The following FLG variants were observed in gnomAD, a reference collection of about 807,000 sequenced individuals.
The protein encoded by FLG is filaggrin.
A neutral mutation model predicts 3.8 loss-of-function variants in FLG; 6 were observed. The observed-to-expected ratio is 1.60, with a 90% CI of 0.87 to 3.15. The LOEUF is 3.15. Among genes scored for constraint, FLG ranks in the 30% most tolerant of loss-of-function variants. The pLI, the probability that FLG is intolerant of heterozygous loss-of-function variation, is 0.00. For synonymous variants in FLG, 2,551 were observed against 1,931.6 expected (o/e 1.32, Z -8.41); for missense variants, 7,595 against 5,050.9 (o/e 1.50, Z -15.27).
Position 152,304,931 on chromosome 1 carries a change from G to C in FLG, c.9955C>G (p.Pro3319Ala), listed in dbSNP as rs202006457. 3.5e-4 allele frequency: 568 copies of C among 1,613,360 alleles called. 11 individuals carry two copies. The South Asian group carries it at 5.6e-3, about 16-fold the overall frequency. ...ACTGCAGATGAAGCTTGTCCACGCG[G>C]AATGCCTGAGTGTCTGGAGCTGTCT... ...SADSSRHSGI[P>A]RGQASSAVRD... The change falls in exon 3 of 3, where the codon CCG (proline) becomes GCG (alanine). Residue 3319 changes from proline (P) to alanine (A), a missense_variant. Pro to Ala is a conservative substitution (Grantham distance 27). Coordinates refer to ENST00000368799, the MANE Select transcript of FLG (RefSeq NM_002016.2).
At position 152,310,570 on chromosome 1, in the gene FLG, C is replaced by G. The variant is rs765382640; in HGVS notation, c.4316G>C (p.Arg1439Thr). Residue 1439 changes from arginine (R) to threonine (T), a missense_variant, in exon 3 of 3, where the codon AGG becomes ACG. Arg to Thr is a moderately conservative substitution (Grantham distance 71, BLOSUM62 -1). Coordinates refer to ENST00000368799, the MANE Select transcript of FLG (RefSeq NM_002016.2). Reference protein sequence around the residue: ...GQSGESSGRSRSFLYQVSSHE... With the variant: ...GQSGESSGRSTSFLYQVSSHE... ...AGAGCTCACCTGGTAGAGGAAAGACCTTGAACGTCCAGAGCTTTCCCCTGA... is the reference window on the plus strand; with the variant it reads ...AGAGCTCACCTGGTAGAGGAAAGACGTTGAACGTCCAGAGCTTTCCCCTGA... 1.2e-6 allele frequency: 2 copies of G among 1,613,746 alleles called. No individual in the cohort carries two copies. The highest frequency in any genetic ancestry group is 1.3e-5 in the African/African-American group (1 of 74,832).
At position 152,313,087 on chromosome 1, in the gene FLG, T is replaced by A. The variant is rs1014033993; in HGVS notation, c.1799A>T (p.His600Leu). The A allele has an allele frequency of 7.4e-6, 12 of 1,613,666 alleles. No individual in the cohort carries two copies. The African/African-American group carries it at 1.6e-4, about 22-fold the overall frequency. Reference sequence around the variant, plus strand: ...TGATTGTCCCTGGCCCACCTGTGAGTGTCTAGAGCTGTCAGCCTGAGAGGA... The same window carrying A: ...TGATTGTCCCTGGCCCACCTGTGAGAGTCTAGAGCTGTCAGCCTGAGAGGA... Reference protein sequence around the residue: ...EASSQADSSRHSQVGQGQSSG... With the variant: ...EASSQADSSRLSQVGQGQSSG... Residue 600 changes from histidine to leucine, a missense_variant, in exon 3 of 3, where the codon CAC becomes CTC. Physicochemically the swap from His to Leu is moderately conservative, Grantham distance 99. Coordinates refer to ENST00000368799, the MANE Select transcript of FLG (RefSeq NM_002016.2).
In FLG at chr1:152,312,633, C is replaced by T. The variant is rs1047773967; in HGVS notation, c.2253G>A (p.Glu751=). 1.2e-6 allele frequency: 2 copies of T among 1,613,878 alleles called. No individual in the cohort carries two copies. The highest frequency in any genetic ancestry group is 8.5e-7 in the Non-Finnish European group (1 of 1,179,976). ...GTGTGTCTGAGTCTTCTGAATGTCCCTCACTGTCAGTGGCCTGACTACCAC... is the reference window on the plus strand; with the variant it reads ...GTGTGTCTGAGTCTTCTGAATGTCCTTCACTGTCAGTGGCCTGACTACCAC... ...GSSGSQATDS[E]GHSEDSDTQS... Residue 751 remains glutamate (E), a synonymous_variant, in exon 3 of 3, where the codon GAG becomes GAA. Transcript: ENST00000368799.
At position 152,314,499 on chromosome 1, in the gene FLG, T is replaced by C. The variant is rs116393414; in HGVS notation, c.387A>G (p.Glu129=). 1.5e-4 allele frequency: 249 copies of C among 1,613,836 alleles called. 1 individual carries two copies. The African/African-American group carries it at 3.0e-3, about 20-fold the overall frequency. ...TATTCCCTTTTCTATTGTTTCTTCTTTCCAGACTTGAGGGTCTTTTTCTGT... is the reference window on the plus strand; with the variant it reads ...TATTCCCTTTTCTATTGTTTCTTCTCTCCAGACTTGAGGGTCTTTTTCTGT... ...KENRKRPSSL[E]RRNNRKGNKG... The change falls in exon 3 of 3, where the codon GAA becomes GAG. Residue 129 remains glutamate (E), a synonymous_variant. Coordinates refer to ENST00000368799, the MANE Select transcript of FLG (RefSeq NM_002016.2).
chr1:152,308,771 A>T lies in FLG; in HGVS notation c.6115T>A (p.Tyr2039Asn). The change falls in exon 3 of 3, where the codon TAC becomes AAC. Residue 2039 changes from tyrosine (Y) to asparagine (N), a missense_variant. Tyr to Asn is a moderately radical substitution (Grantham distance 143, BLOSUM62 -2). Coordinates refer to ENST00000368799, the MANE Select transcript of FLG (RefSeq NM_002016.2). ...SAVRDSGHRG[Y>N]SGSQASDSEG... is the part of the protein sequence containing the mutation. ...CTGTCACTGGCCTGACTACCACTGT[A>T]CCCTCGGTGTCCACTGTCTCTGACT... 6.2e-7 allele frequency: 1 copy of T among 1,613,872 alleles called. No homozygotes were observed. The highest frequency in any genetic ancestry group is 8.5e-7 in the Non-Finnish European group (1 of 1,179,950).
chr1:152,313,611 A>G lies in FLG; in HGVS notation c.1275T>C (p.Ser425=), dbSNP rs1054068029. The change falls in exon 3 of 3, where the codon AGT becomes AGC. Residue 425 remains serine (S), a synonymous_variant. Coordinates refer to ENST00000368799, the MANE Select transcript of FLG (RefSeq NM_002016.2). ...TGTCTGAGTTTTCTGAATGTCCCTC[A>G]CTGTCACTGGCCTGACTACCGCTAG... is the stretch of plus-strand genomic sequence containing the variant. The part of the protein sequence containing the change: ...RGSSGSQASD[S]EGHSENSDTQ... 1.2e-6 allele frequency: 2 copies of G among 1,613,092 alleles called. No individual in the cohort carries two copies. Among genetic ancestry groups the G allele is most frequent in the African/African-American group, 2.7e-5 (2 of 74,580 alleles).
In FLG at chr1:152,314,027, A is replaced by T. The variant is rs760486851; in HGVS notation, c.859T>A (p.Ser287Thr). The T allele has an allele frequency of 6.2e-7, 1 of 1,613,026 alleles. No individual in the cohort carries two copies. The highest frequency in any genetic ancestry group is 8.5e-7 in the Non-Finnish European group (1 of 1,179,722). ...ENTSQVPLQE[S>T]RTRKRRGSRV... The stretch of plus-strand genomic sequence containing the variant: ...GATCCCCTACGCTTTCTTGTCCTGG[A>T]CTCCTGCAATGGTACCTGGCTTGTA... Residue 287 changes from serine (S) to threonine (T), a missense_variant, in exon 3 of 3, where the codon TCC (serine) becomes ACC (threonine). Coordinates refer to ENST00000368799, the MANE Select transcript of FLG (RefSeq NM_002016.2).
rs184677469 is a variant in FLG at position 152,318,277 on chromosome 1, C to A, written c.-21-2800G>T. On this transcript the variant is annotated intron_variant, in intron 1 of 2. Transcript: ENST00000368799. The stretch of plus-strand genomic sequence containing the variant: ...CTCAATTTTCTATCACCAAACTCTA[C>A]TGAAACTGCTTTGTGTCAAATCATC... Among the ~76,000 whole-genome samples the A allele has an allele frequency of 4.8e-3, 731 of 152,088 alleles. 4 individuals carry two copies. The highest frequency in any genetic ancestry group is 8.0e-3 in the Non-Finnish European group (545 of 67,850).
rs1423219004 is a variant in FLG, at chr1:152,312,515, C to T, written c.2371G>A (p.Gly791Arg). 2.2e-5 allele frequency: 35 copies of T among 1,613,446 alleles called. No homozygotes were observed. The highest frequency in any genetic ancestry group is 3.0e-5 in the Non-Finnish European group (35 of 1,179,892). ...DRSGERSRRSGSFLYQVSTHK... is the reference protein window; with the variant it reads ...DRSGERSRRSRSFLYQVSTHK... ...GTGCTCACCTGGTAGAGGAAAGACCCTGAACGTCGAGACCTTTCCCCTGAC... is the reference window on the plus strand; with the variant it reads ...GTGCTCACCTGGTAGAGGAAAGACCTTGAACGTCGAGACCTTTCCCCTGAC... The change falls in exon 3 of 3, where the codon GGG (glycine) becomes AGG (arginine). Residue 791 changes from glycine (G) to arginine (R), a missense_variant. Gly to Arg is a moderately radical substitution (Grantham distance 125, BLOSUM62 -2). Transcript: ENST00000368799.
chr1:152,307,968 A>C lies in FLG; in HGVS notation c.6918T>G (p.His2306Gln). The C allele has an allele frequency of 6.2e-7, 1 of 1,614,052 alleles. No homozygotes were observed. Residue 2306 changes from histidine to glutamine, a missense_variant, in exon 3 of 3, where the codon CAT (histidine) becomes CAG (glutamine). His to Gln is a conservative substitution (Grantham distance 24). Transcript: ENST00000368799. The part of the protein sequence containing the change: ...AESSRQSGTH[H>Q]AENSSGGQAA... ...CCTGTCCACCAGAGGAATTCTCTGCATGATGAGTGCCTGATTGTCTGGAGC... is the reference window on the plus strand; with the variant it reads ...CCTGTCCACCAGAGGAATTCTCTGCCTGATGAGTGCCTGATTGTCTGGAGC...
rs1311752160 is a variant in FLG at position 152,305,196 on chromosome 1, C to A, written c.9690G>T (p.Arg3230Ser). 9 of 1,613,452 alleles carry A rather than the reference C, an allele frequency of 5.6e-6. No homozygotes were observed. Among genetic ancestry groups the A allele is most frequent in the Non-Finnish European group, 7.6e-6 (9 of 1,179,944 alleles). Residue 3230 changes from arginine to serine, a missense_variant, in exon 3 of 3, where the codon AGG becomes AGT. Transcript: ENST00000368799. ...DSEGHSEDSE[R>S]WSGSASRNHR... ...GGTTTCTGGAAGCAGACCCAGACCA[C>A]CTCTCAGAGTCTTCTGAATGTCCCT...
rs145534539 is a variant in FLG at position 152,311,332 on chromosome 1, A to G, written c.3554T>C (p.Val1185Ala). 4.3e-4 allele frequency: 688 copies of G among 1,613,206 alleles called. No individual in the cohort carries two copies. Among genetic ancestry groups the G allele is most frequent in the Non-Finnish European group, 5.3e-4 (631 of 1,179,846 alleles). The stretch of plus-strand genomic sequence containing the variant: ...GGACCCTGAGTGTCCAGATCTATCT[A>G]CCGATTGCTCATGGTGGGATCCCTG... ...GRQGSHHEQS[V>A]DRSGHSGSHH... The change falls in exon 3 of 3, where the codon GTA becomes GCA. Residue 1185 changes from valine (V) to alanine (A), a missense_variant. Coordinates refer to ENST00000368799, the MANE Select transcript of FLG (RefSeq NM_002016.2).
rs752111537 is a variant in FLG, at chr1:152,303,432, C to A, written c.11454G>T (p.Gln3818His). The A allele has an allele frequency of 1.9e-6, 3 of 1,613,978 alleles. No individual in the cohort carries two copies. In the Admixed American group the frequency reaches 5.0e-5, roughly 27 times the overall value. ...CTGAGTGCCTGGAGCCGTCTCCTGA[C>A]TGTTCCTCATTACGTGTTTCTCTGC... is the stretch of plus-strand genomic sequence containing the variant. ...SASRETRNEE[Q>H]SGDGSRHSGS... Residue 3818 changes from glutamine to histidine, a missense_variant, in exon 3 of 3, where the codon CAG (glutamine) becomes CAT (histidine). Gln to His is a conservative substitution (Grantham distance 24). Transcript: ENST00000368799.
chr1:152,303,341 C>A lies in FLG; in HGVS notation c.11545G>T (p.Glu3849Ter). The change falls in exon 3 of 3, where the codon GAA becomes TAA. Residue 3849 changes from glutamate to a stop codon, truncating the protein, a stop_gained. Transcript: ENST00000368799. LOFTEE classifies it low-confidence loss of function (END_TRUNC). ...CTGCTTCTCCTGGACCCCGCTGATT[C>A]ACCCTGGCCGGACTGTGAGTGTCTA... ...SSRHSQSGQG[E>*]SAGSRRSRRQ... is the part of the protein sequence containing the mutation. 1 of 1,614,068 alleles carries A rather than the reference C, an allele frequency of 6.2e-7. No individual in the cohort carries two copies. Among genetic ancestry groups the A allele is most frequent in the Non-Finnish European group, 8.5e-7 (1 of 1,179,982 alleles).
Position 152,304,811 on chromosome 1 carries a change from C to T in FLG, c.10075G>A (p.Gly3359Arg), listed in dbSNP as rs1356321006. Residue 3359 changes from glycine to arginine, a missense_variant, in exon 3 of 3, where the codon GGA (glycine) becomes AGA (arginine). Gly to Arg is a moderately radical substitution (Grantham distance 125). Transcript: ENST00000368799. Reference protein sequence around the residue: ...ESDTQSVSGHGQAGPHQQSHQ... With the variant: ...ESDTQSVSGHRQAGPHQQSHQ... ...CTCTGCTGATGGGGCCCAGCCTGTC[C>T]ATGGCCTGACACTGACTGTGTGTCT... 2 of 1,613,796 alleles carry T rather than the reference C, an allele frequency of 1.2e-6. No individual in the cohort carries two copies. Among genetic ancestry groups the T allele is most frequent in the Non-Finnish European group, 1.7e-6 (2 of 1,179,992 alleles).
chr1:152,310,364 A>T lies in FLG; in HGVS notation c.4522T>A (p.Ser1508Thr), dbSNP rs375638840. Reference protein sequence around the residue: ...GGRQGSYHEQSVDRSGHSGYH... With the variant: ...GGRQGSYHEQTVDRSGHSGYH... The stretch of plus-strand genomic sequence containing the variant: ...CCTGAGTGTCCAGACCTATCTACTG[A>T]TTGCTCGTGGTAGGATCCCTGCCTT... The change falls in exon 3 of 3, where the codon TCA becomes ACA. Residue 1508 changes from serine to threonine, a missense_variant. Coordinates refer to ENST00000368799, the MANE Select transcript of FLG (RefSeq NM_002016.2). 6 of 1,613,090 alleles carry T rather than the reference A, an allele frequency of 3.7e-6. No homozygotes were observed. Among genetic ancestry groups the T allele is most frequent in the Non-Finnish European group, 1.7e-6 (2 of 1,179,820 alleles).
Position 152,304,449 on chromosome 1 carries a change from C to T in FLG, c.10437G>A (p.Gln3479=), listed in dbSNP as rs759667514. ...SQGRSDASRG[Q]SGSRSASRQT... The stretch of plus-strand genomic sequence containing the variant: ...GTCTGCTGGCACTTCTGGATCCTGA[C>T]TGCCCACGGGAGGCATCAGACCTTC... The change falls in exon 3 of 3, where the codon CAG becomes CAA. Residue 3479 remains glutamine (Q), a synonymous_variant. Transcript: ENST00000368799. The T allele has an allele frequency of 4.3e-6, 7 of 1,612,436 alleles. No individual in the cohort carries two copies. In the Middle Eastern group the frequency reaches 5.0e-4, roughly 114 times the overall value.
At position 152,308,493 on chromosome 1, in the gene FLG, G is replaced by T; in HGVS notation, c.6393C>A (p.Ser2131=). 1.9e-6 allele frequency: 3 copies of T among 1,613,390 alleles called. No homozygotes were observed. The highest frequency in any genetic ancestry group is 2.2e-5 in the South Asian group (2 of 91,028). Residue 2131 remains serine (S), a synonymous_variant, in exon 3 of 3, where the codon TCC becomes TCA. Coordinates refer to ENST00000368799, the MANE Select transcript of FLG (RefSeq NM_002016.2). ...QAQDSSRHSA[S]QEGQDTIRGH... ...CACGAATGGTGTCCTGACCCTCTTG[G>T]GATGCTGAGTGCCTGGAGCTGTCTT...
intron 1 of FLG, among the ~76,000 whole-genome samples, chr1:152,321,491 G>A (rs527660533): frequency 4.6e-5 from 7 of 150,928 alleles, no homozygotes; most frequent in African/African-American, 1.2e-4. Flanking sequence ...CATTGCTATC[G>A]AGGTTTTAGA....
Sources: allele counts gnomAD v4.1 joint callset (sites outside exome capture counted in the v4.1 genomes callset), GRCh38; gene constraint gnomAD v4.1.1; transcripts MANE v1.5; gene names NCBI Gene and HGNC (gene_info 2026-07-23, HGNC 2026-07-21).